CLVS1: variants seen among roughly 807,000 people sequenced by gnomAD.
CLVS1 encodes clavesin 1, also known as clavesin-1.
CLVS1 carries 10 observed loss-of-function variants against 33.1 expected under a neutral mutation model. The ratio of observed to expected loss-of-function variants is 0.30; its 90% CI spans 0.19 to 0.51. The LOEUF (loss-of-function observed/expected upper bound fraction) is 0.51. CLVS1 is among the 20% of genes least tolerant of loss of function. The pLI, the probability that CLVS1 is intolerant of heterozygous loss-of-function variation, is 0.97. For missense variants in CLVS1, 343 were observed against 433.4 expected, an observed-to-expected ratio of 0.79 and a Z score of 1.85; for synonymous variants, 163 against 166.1, an observed-to-expected ratio of 0.98 and a Z score of 0.14.
chr8:61,240,505 C>T (rs948336984), intron 2 of CLVS1, among the ~76,000 whole-genome samples: 3 of 152,184 alleles, frequency 2.0e-5, no homozygotes, highest in African/African-American at 4.8e-5. Flanking sequence ...ATGTGAAACA[C>T]GCTGATTTAT....
rs1194205711 is a variant in CLVS1 at position 61,074,382 on chromosome 8, ATGTG to A, written c.-243+17154_-243+17157del. Among the ~76,000 whole-genome samples, 697 of 52,150 alleles carry A rather than the reference ATGTG, an allele frequency of 0.013. 48 individuals carry two copies. In the African/African-American group the frequency reaches 0.18, roughly 14 times the overall value. The allele number at this position is 52,150 out of a possible 152,430, so 34.2% of individuals were successfully genotyped here. Reference sequence around the variant, plus strand: ...TGTGTATATATATATATATAAGTATATGTGTATATATATATGTTATATATATATA... The same window carrying A: ...TGTGTATATATATATATATAAGTATATATATATATATGTTATATATATATA... On this transcript the variant is annotated intron_variant, in intron 1 of 2. Transcript: ENST00000522621.
At chr8:61,149,797 G>A (rs1806492358) in intron 2 of CLVS1, among the ~76,000 whole-genome samples, 1 of 152,094 alleles carries the variant, frequency 6.6e-6, no homozygotes, top group South Asian at 2.1e-4. Flanking sequence ...CCCAAAACTA[G>A]AAGGTGAAAT....
chr8:61,315,154 T>A (rs568809338), intron 2 of CLVS1, among the ~76,000 whole-genome samples: 1 of 152,292 alleles, frequency 6.6e-6, no homozygotes, highest in South Asian at 2.1e-4. Flanking sequence ...GTACTTTTCT[T>A]CTCTCTAATA....
At chr8:61,175,178 C>A (rs1281621145) in intron 2 of CLVS1, among the ~76,000 whole-genome samples, 2 of 152,306 alleles carry the variant, frequency 1.3e-5, no homozygotes, top group Non-Finnish European at 2.9e-5. Context: ...CCCCAAAATT[C>A]ATATGTTAAA....
the CLVS1 span, chr8:60,966,037 C>G: frequency 5.6e-6 from 1 of 178,920 alleles, no homozygotes; most frequent in African/African-American, 2.4e-5. Flanking sequence ...GTCTCCAACT[C>G]CTGACCTCAG....
the CLVS1 span, among the ~76,000 whole-genome samples, chr8:60,968,134 T>C: frequency 1.3e-5 from 2 of 152,216 alleles, no homozygotes; most frequent in African/African-American, 4.8e-5. Flanking sequence ...TGTCTCACTA[T>C]GTTGCTCAGG....
chr8:61,257,400 C>T (rs1270224376), intron 2 of CLVS1, among the ~76,000 whole-genome samples: 1 of 152,184 alleles, frequency 6.6e-6, no homozygotes, highest in Admixed American at 6.5e-5. Flanking sequence ...TATGTTTTAA[C>T]TCAAGACCAG....
At chr8:61,462,724 C>A (rs1253307993) in intron 5 of CLVS1, among the ~76,000 whole-genome samples, 2 of 152,092 alleles carry the variant, frequency 1.3e-5, no homozygotes, top group African/African-American at 4.8e-5. Context: ...CTCTGTAAAC[C>A]GTGCTATAAA....
At chr8:61,466,177 T>G (rs1817542729) in intron 5 of CLVS1, among the ~76,000 whole-genome samples, 1 of 152,214 alleles carries the variant, frequency 6.6e-6, no homozygotes, top group Non-Finnish European at 1.5e-5. Context: ...TATGATTATT[T>G]TCACTGCAAG....
At chr8:61,021,256 C>A in the CLVS1 span, among the ~76,000 whole-genome samples, 2 of 152,186 alleles carry the variant, frequency 1.3e-5, no homozygotes, top group African/African-American at 2.4e-5. Context: ...TCATGAGATT[C>A]GGTGGGGTTT....
chr8:61,209,062 G>C (rs1052544053), intron 2 of CLVS1, among the ~76,000 whole-genome samples: 9 of 152,190 alleles, frequency 5.9e-5, no homozygotes, highest in African/African-American at 9.7e-5. Context: ...GTCCTTACTA[G>C]GAAAGCCAGT....
intron 2 of CLVS1, among the ~76,000 whole-genome samples, chr8:61,250,887 C>T (rs377082419): frequency 6.6e-6 from 1 of 152,148 alleles, no homozygotes; most frequent in African/African-American, 2.4e-5. Context: ...TTCCTCTCTT[C>T]CTGTTTGAAT....
chr8:61,187,914 C>T (rs1039987518), intron 2 of CLVS1, among the ~76,000 whole-genome samples: 11 of 151,162 alleles, frequency 7.3e-5, no homozygotes, highest in African/African-American at 9.7e-5. Context: ...GATATATTCA[C>T]GTCTTCATAG....
chr8:61,048,963 A>T, the CLVS1 span, among the ~76,000 whole-genome samples: 45 of 152,246 alleles, frequency 3.0e-4, no homozygotes, highest in African/African-American at 9.6e-4. Flanking sequence ...AAATCATCCC[A>T]TAAAAAATTA....
chr8:61,293,462 A>G (rs1484404783), intron 1 of CLVS1, among the ~76,000 whole-genome samples: 4 of 152,172 alleles, frequency 2.6e-5, no homozygotes, highest in Non-Finnish European at 4.4e-5. Context: ...CATGTAACCA[A>G]CCAGCCTCTG....
chr8:61,065,525 A>G (rs1804661641), intron 1 of CLVS1, among the ~76,000 whole-genome samples: 1 of 152,214 alleles, frequency 6.6e-6, no homozygotes. Flanking sequence ...GGTTGAAACT[A>G]AGGAGCAGAC....
At chr8:61,178,431 T>C (rs1807159822) in intron 2 of CLVS1, among the ~76,000 whole-genome samples, 1 of 152,006 alleles carries the variant, frequency 6.6e-6, no homozygotes, top group Non-Finnish European at 1.5e-5. Flanking sequence ...CTTCAGGGTA[T>C]TATCCAGGAG....
At chr8:61,399,592 A>G (rs568424499) in intron 3 of CLVS1, among the ~76,000 whole-genome samples, 1 of 152,258 alleles carries the variant, frequency 6.6e-6, no homozygotes, top group East Asian at 1.9e-4. Context: ...TGGCATTTTC[A>G]TCATGAAATC....
At position 61,078,472 on chromosome 8, in the gene CLVS1, G is replaced by A. The variant is rs141220946; in HGVS notation, c.-243+21242G>A. On this transcript the variant is annotated intron_variant, in intron 1 of 2. Coordinates refer to the CLVS1 transcript ENST00000522621. ...CAGAAGTGTGGAAATTCTAGTTGCAGCTTACATCTATTTTCATGGCCATCT... is the reference window on the plus strand; with the variant it reads ...CAGAAGTGTGGAAATTCTAGTTGCAACTTACATCTATTTTCATGGCCATCT... Among the ~76,000 whole-genome samples, 141 of 152,284 alleles carry A rather than the reference G, an allele frequency of 9.3e-4. 3 individuals carry two copies. The highest frequency in any genetic ancestry group is 8.0e-3 in the Admixed American group (123 of 15,294).
Sources: gnomAD v4.1 joint callset for allele counts (sites outside exome capture counted in the v4.1 genomes callset) on GRCh38, gnomAD v4.1.1 for gene constraint, MANE v1.5 for transcripts, NCBI Gene and HGNC (gene_info 2026-07-23, HGNC 2026-07-21) for gene names.